ADCK1: variants seen among roughly 807,000 people sequenced by gnomAD.
ADCK1 encodes the protein aarF domain containing kinase 1, also known as aarF domain-containing protein kinase 1.
ADCK1 carries 41 observed loss-of-function variants against 52.3 expected under a neutral mutation model. The ratio of observed to expected loss-of-function variants is 0.78; its 90% CI spans 0.61 to 1.02. The LOEUF (loss-of-function observed/expected upper bound fraction) is 1.02, where lower values mean the gene tolerates loss of function less well. Ranked by LOEUF, ADCK1 falls within the 50% of genes least tolerant of loss-of-function variation. The pLI is 0.00. For synonymous variants in ADCK1, 250 were observed against 274.6 expected (o/e 0.91, Z 0.89); for missense variants, 658 against 679.5 (o/e 0.97, Z 0.35).
chr14:77,827,729 C>T, intron 3 of ADCK1: 2 of 351,982 alleles, frequency 5.7e-6, no homozygotes, highest in South Asian at 2.2e-5. Context: ...TTGGATGGTG[C>T]TGGGTAGAAT....
intron 7 of ADCK1, among the ~76,000 whole-genome samples, chr14:77,916,701 C>T (rs1225407164): frequency 6.6e-6 from 1 of 152,194 alleles, no homozygotes; most frequent in Admixed American, 6.5e-5. Flanking sequence ...CTGACTGCCT[C>T]GGCCTCACAA....
intron 4 of ADCK1, among the ~76,000 whole-genome samples, chr14:77,860,442 T>A (rs2082519384): frequency 6.6e-6 from 1 of 152,204 alleles, no homozygotes; most frequent in Non-Finnish European, 1.5e-5. Flanking sequence ...TGGCACTGAC[T>A]ATTGGTCCCT....
chr14:77,910,538 A>G (rs943225429), intron 7 of ADCK1, among the ~76,000 whole-genome samples: 1 of 152,180 alleles, frequency 6.6e-6, no homozygotes, highest in Non-Finnish European at 1.5e-5. Context: ...TGATCAGGAA[A>G]TATCCCAGAG....
intron 9 of ADCK1, among the ~76,000 whole-genome samples, chr14:77,929,114 C>T (rs1003926856): frequency 6.6e-6 from 1 of 152,252 alleles, no homozygotes; most frequent in African/African-American, 2.4e-5. Flanking sequence ...AAGTTAGCTA[C>T]TCCAGGTCAG....
intron 6 of ADCK1, among the ~76,000 whole-genome samples, chr14:77,901,088 A>C (rs995689022): frequency 7.0e-6 from 1 of 143,506 alleles, no homozygotes; most frequent in African/African-American, 2.6e-5. Flanking sequence ...TCTGTTGCCC[A>C]GACTGGAGTG....
intron 3 of ADCK1, among the ~76,000 whole-genome samples, chr14:77,852,683 A>ATATATAT (rs1566667364): frequency 1.3e-4 from 11 of 84,016 alleles, no homozygotes; most frequent in Non-Finnish European, 2.4e-4. Flanking sequence ...ATATATATAT[A>ATATATAT]TATATATATA....
Position 77,859,298 on chromosome 14 carries a change from G to T in ADCK1, c.423+19G>T. On this transcript the variant is annotated intron_variant, in intron 4 of 10. Transcript: ENST00000238561. Reference sequence around the variant, plus strand: ...CAAGGAGGTACCCACCTTTGCAGGGGGGATGGGCCTTGGTTGGGATGCTTC... The same window carrying T: ...CAAGGAGGTACCCACCTTTGCAGGGTGGATGGGCCTTGGTTGGGATGCTTC... 3 of 1,608,706 alleles carry T rather than the reference G, an allele frequency of 1.9e-6. No individual in the cohort carries two copies. The highest frequency in any genetic ancestry group is 2.5e-6 in the Non-Finnish European group (3 of 1,176,904).
chr14:77,834,056 C>T (rs559924757), intron 3 of ADCK1, among the ~76,000 whole-genome samples: 11 of 152,168 alleles, frequency 7.2e-5, no homozygotes, highest in Non-Finnish European at 1.6e-4. Context: ...TGGGTACTTC[C>T]TCCCTGACTC....
At chr14:77,879,332 G>A (rs2082968578) in intron 4 of ADCK1, among the ~76,000 whole-genome samples, 2 of 152,216 alleles carry the variant, frequency 1.3e-5, no homozygotes, top group South Asian at 4.1e-4. Context: ...AGAGGTAAAT[G>A]TGCAGCTGTG....
At chr14:77,801,502 A>C (rs1453527310) in intron 1 of ADCK1, among the ~76,000 whole-genome samples, 1 of 152,172 alleles carries the variant, frequency 6.6e-6, no homozygotes, top group Non-Finnish European at 1.5e-5. Context: ...TGGTTACATC[A>C]TATTCTACCT....
At chr14:77,862,173 CTT>C (rs2082563917) in intron 4 of ADCK1, among the ~76,000 whole-genome samples, 1 of 152,174 alleles carries the variant, frequency 6.6e-6, no homozygotes, top group South Asian at 2.1e-4. Context: ...CAGAAAGAAA[CTT>C]ACTTTTTTTC....
Position 77,876,639 on chromosome 14 carries a change from A to G in ADCK1, c.424-10452A>G, listed in dbSNP as rs183520287. On this transcript the variant is annotated intron_variant, in intron 4 of 10. Coordinates refer to ENST00000238561, the MANE Select transcript of ADCK1 (RefSeq NM_020421.4). Reference sequence around the variant, plus strand: ...AAGCGCAGCCATGGGCAACATGTCAACAAATGAGCATGCGCCCCAGTAAAC... The same window carrying G: ...AAGCGCAGCCATGGGCAACATGTCAGCAAATGAGCATGCGCCCCAGTAAAC... 3.5e-4 allele frequency among the ~76,000 whole-genome samples: 53 copies of G among 152,342 alleles called. 1 individual carries two copies. In the East Asian group the frequency reaches 9.8e-3, roughly 28 times the overall value.
At chr14:77,849,228 C>A (rs1446313714) in intron 3 of ADCK1, among the ~76,000 whole-genome samples, 1 of 152,184 alleles carries the variant, frequency 6.6e-6, no homozygotes, top group Admixed American at 6.5e-5. Flanking sequence ...GCATATGCCA[C>A]CACACCCAGC....
At chr14:77,930,613 C>T (rs1042883100) in intron 9 of ADCK1, among the ~76,000 whole-genome samples, 5 of 152,144 alleles carry the variant, frequency 3.3e-5, no homozygotes, top group South Asian at 2.1e-4. Context: ...CCTGGGTTCA[C>T]GTCCCATCTC....
chr14:77,812,043 A>G (rs2081348013), intron 1 of ADCK1, among the ~76,000 whole-genome samples: 1 of 152,158 alleles, frequency 6.6e-6, no homozygotes, highest in Admixed American at 6.5e-5. Flanking sequence ...AAGGTGTACA[A>G]CTTGATGATT....
chr14:77,833,063 G>C (rs2081890428), intron 3 of ADCK1, among the ~76,000 whole-genome samples: 1 of 152,170 alleles, frequency 6.6e-6, no homozygotes, highest in Admixed American at 6.5e-5. Flanking sequence ...AGGGTTGGGG[G>C]TAGGGGGGCA....
chr14:77,917,690 T>C (rs1053489371), intron 7 of ADCK1, among the ~76,000 whole-genome samples: 1 of 152,246 alleles, frequency 6.6e-6, no homozygotes, highest in African/African-American at 2.4e-5. Context: ...ATTTTTTTTA[T>C]GTGGAACAAT....
At chr14:77,843,084 G>A (rs994647222) in intron 3 of ADCK1, among the ~76,000 whole-genome samples, 6 of 151,810 alleles carry the variant, frequency 4.0e-5, no homozygotes, top group African/African-American at 1.5e-4. Flanking sequence ...TAGACATGGG[G>A]TCTTACTAAG....
At position 77,934,791 on chromosome 14, in the gene ADCK1, A is replaced by C. The variant is rs1408686273; in HGVS notation, c.*1400A>C. 6.6e-6 allele frequency: 1 copy of C among 152,200 alleles called. No homozygotes were observed. The highest frequency in any genetic ancestry group is 1.5e-5 in the Non-Finnish European group (1 of 68,040). 9.4% of individuals were successfully genotyped at this position (152,200 alleles called of 1,614,324 possible). On this transcript the variant is annotated 3_prime_UTR_variant, in exon 11 of 11. Coordinates refer to ENST00000238561, the MANE Select transcript of ADCK1 (RefSeq NM_020421.4). ...TTGAGCCTAATTTTCTGTACTCTTTATTCATAGTACAGCAAGCAGATTTTT... is the reference window on the plus strand; with the variant it reads ...TTGAGCCTAATTTTCTGTACTCTTTCTTCATAGTACAGCAAGCAGATTTTT...
Sources: allele counts gnomAD v4.1 joint callset (sites outside exome capture counted in the v4.1 genomes callset), GRCh38; gene constraint gnomAD v4.1.1; transcripts MANE v1.5; gene names NCBI Gene and HGNC (gene_info 2026-07-23, HGNC 2026-07-21).